GRM3: variants seen among roughly 807,000 people sequenced by gnomAD.
GRM3 encodes the protein metabotropic glutamate receptor 3.
Under a neutral mutation model 70.5 loss-of-function variants are expected in GRM3, and 26 were observed. The ratio of observed to expected loss-of-function variants is 0.37; its 90% CI spans 0.27 to 0.51. The LOEUF (loss-of-function observed/expected upper bound fraction) is 0.51, where lower values mean the gene tolerates loss of function less well. Among genes scored for constraint, GRM3 ranks in the 20% least tolerant of loss-of-function variants. The probability of loss-of-function intolerance (pLI) is 0.93; values close to 1 mark genes in which losing one functional copy is unlikely to be tolerated. For missense variants in GRM3, 859 were observed against 1,123.8 expected (o/e 0.76, Z 3.37); for synonymous variants, 443 against 434.9 (o/e 1.02, Z -0.23).
At chr7:86,798,099 C>T (rs1029821558) in intron 3 of GRM3, among the ~76,000 whole-genome samples, 10 of 152,162 alleles carry the variant, frequency 6.6e-5, no homozygotes, top group Non-Finnish European at 1.3e-4. Context: ...AGGGGTGGAG[C>T]CTTCATGGAG....
chr7:86,726,106 C>T (rs1038533650), intron 1 of GRM3, among the ~76,000 whole-genome samples: 6 of 152,146 alleles, frequency 3.9e-5, no homozygotes, highest in Non-Finnish European at 8.8e-5. Flanking sequence ...CTTTGCCTGG[C>T]AAAAACTATC....
chr7:86,749,302 G>C (rs568960630), intron 1 of GRM3, among the ~76,000 whole-genome samples: 13 of 151,990 alleles, frequency 8.6e-5, no homozygotes, highest in East Asian at 5.8e-4. Flanking sequence ...CAGCCCTCCC[G>C]TGGTGAAATG....
intron 5 of GRM3, among the ~76,000 whole-genome samples, chr7:86,854,866 G>A (rs1798817929): frequency 6.6e-6 from 1 of 152,188 alleles, no homozygotes; most frequent in Non-Finnish European, 1.5e-5. Context: ...GTGACATTCT[G>A]AATTTCCACC....
At position 86,787,048 on chromosome 7, in the gene GRM3, G is replaced by T; in HGVS notation, c.1256G>T (p.Cys419Phe). The part of the protein sequence containing the change: ...RTLCPNTTKL[C>F]DAMKILDGKK... ...CTCTGTCCCAACACTACCAAGCTTT[G>T]TGATGCTATGAAGATCCTGGATGGG... is the stretch of plus-strand genomic sequence containing the variant. Residue 419 changes from cysteine to phenylalanine, a missense_variant, in exon 3 of 6, where the codon TGT becomes TTT. Transcript: ENST00000361669. 6.2e-7 allele frequency: 1 copy of T among 1,613,314 alleles called. No homozygotes were observed. Among genetic ancestry groups the T allele is most frequent in the Non-Finnish European group, 8.5e-7 (1 of 1,179,612 alleles).
chr7:86,707,384 A>G (rs1040948653), intron 1 of GRM3, among the ~76,000 whole-genome samples: 4 of 152,148 alleles, frequency 2.6e-5, no homozygotes, highest in African/African-American at 7.2e-5. Flanking sequence ...ACCTCCTCCT[A>G]AGATTGCTGT....
At chr7:86,722,382 G>A (rs1349567937) in intron 1 of GRM3, among the ~76,000 whole-genome samples, 1 of 152,042 alleles carries the variant, frequency 6.6e-6, no homozygotes, top group Non-Finnish European at 1.5e-5. Flanking sequence ...ACTGGATAAA[G>A]AAAATGTGGT....
At chr7:86,827,908 G>C (rs553201039) in intron 3 of GRM3, among the ~76,000 whole-genome samples, 22 of 152,048 alleles carry the variant, frequency 1.4e-4, no homozygotes, top group African/African-American at 2.9e-4. Context: ...GTCAGGAGAT[G>C]GAGACCATCC....
chr7:86,728,225 C>T (rs1795637839), intron 1 of GRM3, among the ~76,000 whole-genome samples: 2 of 152,290 alleles, frequency 1.3e-5, no homozygotes, highest in Non-Finnish European at 2.9e-5. Flanking sequence ...GGAGCCTAGA[C>T]TCTGCCCTCT....
intron 3 of GRM3, among the ~76,000 whole-genome samples, chr7:86,832,101 T>C (rs1798363798): frequency 6.6e-6 from 1 of 152,174 alleles, no homozygotes; most frequent in Non-Finnish European, 1.5e-5. Context: ...TTTTGGTTTC[T>C]TTACCTCTTG....
intron 1 of GRM3, among the ~76,000 whole-genome samples, chr7:86,684,073 A>C: frequency 6.6e-6 from 1 of 151,930 alleles, no homozygotes; most frequent in African/African-American, 2.4e-5. Flanking sequence ...ATCCCTTTAC[A>C]AGATTGTAAA....
At chr7:86,801,051 C>T (rs186769250) in intron 3 of GRM3, among the ~76,000 whole-genome samples, 20 of 149,110 alleles carry the variant, frequency 1.3e-4, no homozygotes, top group Non-Finnish European at 1.2e-4. Flanking sequence ...TGTTTTACCA[C>T]GGCAAACTTC....
chr7:86,742,299 C>A (rs1796008591), intron 1 of GRM3, among the ~76,000 whole-genome samples: 1 of 152,148 alleles, frequency 6.6e-6, no homozygotes, highest in Admixed American at 6.6e-5. Context: ...AGTTCACATT[C>A]AGCTGGCACT....
intron 5 of GRM3, among the ~76,000 whole-genome samples, chr7:86,862,363 T>C (rs889275851): frequency 2.0e-5 from 3 of 152,144 alleles, no homozygotes; most frequent in Non-Finnish European, 4.4e-5. Context: ...GTACAATATA[T>C]GGAAATAATT....
intron 3 of GRM3, chr7:86,833,148 A>T: frequency 1.0e-6 from 1 of 964,604 alleles, no homozygotes; most frequent in Non-Finnish European, 1.2e-6. Flanking sequence ...GAGTTTCTTC[A>T]CGCCAAAGAA....
At chr7:86,812,681 A>T (rs1053149182) in intron 3 of GRM3, among the ~76,000 whole-genome samples, 1 of 151,810 alleles carries the variant, frequency 6.6e-6, no homozygotes, top group Non-Finnish European at 1.5e-5. Context: ...TGCCGGGCAT[A>T]TCAAAGGTAA....
chr7:86,749,388 C>A (rs945370360), intron 1 of GRM3, among the ~76,000 whole-genome samples: 2 of 152,130 alleles, frequency 1.3e-5, no homozygotes, highest in East Asian at 3.9e-4. Flanking sequence ...GGCTACATTT[C>A]GCAGGAATTG....
chr7:86,695,207 G>T (rs972965935), intron 1 of GRM3, among the ~76,000 whole-genome samples: 2 of 152,122 alleles, frequency 1.3e-5, no homozygotes, highest in Admixed American at 1.3e-4. Flanking sequence ...TAAAAATAGA[G>T]AAGTTGTCAT....
chr7:86,827,938 C>T (rs543129277), intron 3 of GRM3, among the ~76,000 whole-genome samples: 10 of 152,048 alleles, frequency 6.6e-5, no homozygotes, highest in African/African-American at 2.4e-4. Context: ...CGGTGAAACC[C>T]TGTCTCTACT....
rs1289887399 is a variant in GRM3, at chr7:86,765,520, T to C, written c.375T>C (p.Tyr125=). The change falls in exon 2 of 6, where the codon TAT becomes TAC. Residue 125 remains tyrosine (Y), a synonymous_variant. Transcript: ENST00000361669. ...TGACAAAAGTGGATGAAGCTGAGTA[T>C]ATGTGTCCTGATGGATCCTATGCCA... is the stretch of plus-strand genomic sequence containing the variant. ...ASLTKVDEAE[Y]MCPDGSYAIQ... is the part of the protein sequence containing the mutation. 2 of 1,613,840 alleles carry C rather than the reference T, an allele frequency of 1.2e-6. No homozygotes were observed. Among genetic ancestry groups the C allele is most frequent in the South Asian group, 1.1e-5 (1 of 91,080 alleles).
Sources: gnomAD v4.1 joint callset for allele counts (sites outside exome capture counted in the v4.1 genomes callset) on GRCh38, gnomAD v4.1.1 for gene constraint, MANE v1.5 for transcripts, NCBI Gene and HGNC (gene_info 2026-07-23, HGNC 2026-07-21) for gene names.